Variants in KLHL31 observed in about 807,000 individuals in gnomAD.
KLHL31 encodes the protein kelch-like protein 31.
A neutral mutation model predicts 47.1 loss-of-function variants in KLHL31; 32 were observed. The ratio of observed to expected loss-of-function variants is 0.68; its 90% confidence interval spans 0.51 to 0.91. The LOEUF (loss-of-function observed/expected upper bound fraction) is 0.91. KLHL31 is among the 40% of genes least tolerant of loss of function. The probability of loss-of-function intolerance (pLI) is 0.00; values close to 1 mark genes in which losing one functional copy is unlikely to be tolerated. For synonymous variants in KLHL31, 330 were observed against 325.1 expected (o/e 1.01, Z -0.16); for missense variants, 797 against 819.3 (o/e 0.97, Z 0.33).
intron 1 of KLHL31, among the ~76,000 whole-genome samples, chr6:53,659,269 A>G (rs957201177): frequency 6.6e-5 from 10 of 152,246 alleles, no homozygotes; most frequent in Non-Finnish European, 1.5e-5. Context: ...GATTTCTGGA[A>G]TGTGTAAATA....
At position 53,651,821 on chromosome 6, in the gene KLHL31, G is replaced by A; in HGVS notation, c.1682C>T (p.Ser561Leu). The stretch of plus-strand genomic sequence containing the variant: ...CAGGTAGGCGCGGCCATGCAGCGCC[G>A]AGACGCCCGCAGTGCTCACTCCCAC... ...LQVGVSTAGVSALHGRAYLVG... is the reference protein window; with the variant it reads ...LQVGVSTAGVLALHGRAYLVG... Residue 561 changes from serine (S) to leucine (L), a missense_variant, in exon 3 of 3, where the codon TCG (serine) becomes TTG (leucine). By Grantham distance (145) the Ser-to-Leu change is moderately radical. Coordinates refer to ENST00000370905, the MANE Select transcript of KLHL31 (RefSeq NM_001003760.5). 2 of 1,610,922 alleles carry A rather than the reference G, an allele frequency of 1.2e-6. No homozygotes were observed. The highest frequency in any genetic ancestry group is 1.7e-6 in the Non-Finnish European group (2 of 1,179,672).
chr6:53,651,854 G>A lies in KLHL31; in HGVS notation c.1649C>T (p.Pro550Leu), dbSNP rs1281746892. ...CGCAGTGCTCACTCCCACCTGCAGCGGCGCCGCGTAGCTCCACTGGCCGGT... is the reference window on the plus strand; with the variant it reads ...CGCAGTGCTCACTCCCACCTGCAGCAGCGCCGCGTAGCTCCACTGGCCGGT... ...PATGQWSYAAPLQVGVSTAGV... is the reference protein window; with the variant it reads ...PATGQWSYAALLQVGVSTAGV... Residue 550 changes from proline (P) to leucine (L), a missense_variant, in exon 3 of 3, where the codon CCG (proline) becomes CTG (leucine). Pro to Leu is a moderately conservative substitution (Grantham distance 98). Coordinates refer to ENST00000370905, the MANE Select transcript of KLHL31 (RefSeq NM_001003760.5). The A allele has an allele frequency of 6.2e-7, 1 of 1,605,280 alleles. No individual in the cohort carries two copies. The highest frequency in any genetic ancestry group is 1.3e-5 in the African/African-American group (1 of 74,890).
Position 53,651,417 on chromosome 6 carries a change from A to G in KLHL31, c.*181T>C, listed in dbSNP as rs1764462704. On this transcript the variant is annotated 3_prime_UTR_variant, in exon 3 of 3. Coordinates refer to ENST00000370905, the MANE Select transcript of KLHL31 (RefSeq NM_001003760.5). ...ATTTTGCTAAAAAAAAAAAAAAAAA[A>G]AAGAGGTAGATTATGCCATACCAGG... 1 of 347,558 alleles carries G rather than the reference A, an allele frequency of 2.9e-6. No homozygotes were observed. Among genetic ancestry groups the G allele is most frequent in the Non-Finnish European group, 5.1e-6 (1 of 194,998 alleles). 21.5% of individuals were successfully genotyped at this position (347,558 alleles called of 1,614,324 possible).
chr6:53,655,485 A>G (rs1764547121), intron 1 of KLHL31, among the ~76,000 whole-genome samples, 180 bp from the exon 2 acceptor site: 1 of 152,252 alleles, frequency 6.6e-6, no homozygotes, highest in South Asian at 2.1e-4. Flanking sequence ...TTACTTCAGC[A>G]TGAAGCATTG....
rs202179716 is a variant in KLHL31, at chr6:53,654,951, T to C, written c.322A>G (p.Ile108Val). The C allele has an allele frequency of 6.2e-7, 1 of 1,614,232 alleles. No homozygotes were observed. Among genetic ancestry groups the C allele is most frequent in the African/African-American group, 1.3e-5 (1 of 75,054 alleles). Residue 108 changes from isoleucine (I) to valine (V), a missense_variant, in exon 2 of 3, where the codon ATT becomes GTT. Physicochemically the swap from Ile to Val is conservative, Grantham distance 29. Transcript: ENST00000370905. ...FYNILKKDPS[I>V]QRVDLNDISP... is the part of the protein sequence containing the mutation. ...ATATCATTGAGATCCACCCTCTGAA[T>C]TGACGGGTCTTTTTTTAGGATGTTG...
rs776093968 is a variant in KLHL31 at position 53,652,277 on chromosome 6, C to G, written c.1226G>C (p.Arg409Pro). 6.2e-7 allele frequency: 1 copy of G among 1,614,158 alleles called. No homozygotes were observed. Among genetic ancestry groups the G allele is most frequent in the South Asian group, 1.1e-5 (1 of 91,084 alleles). The stretch of plus-strand genomic sequence containing the variant: ...GAACACGCTCAGGCTGAAGTGCGTG[C>G]GCTTCTGGTTCATGCTGGCCAGGTG... ...WIHLASMNQK[R>P]THFSLSVFNG... The change falls in exon 3 of 3, where the codon CGC (arginine) becomes CCC (proline). Residue 409 changes from arginine (R) to proline (P), a missense_variant. Physicochemically the swap from Arg to Pro is moderately radical, Grantham distance 103. Coordinates refer to ENST00000370905, the MANE Select transcript of KLHL31 (RefSeq NM_001003760.5).
At position 53,648,365 on chromosome 6, in the gene KLHL31, AG is replaced by A. The variant is rs1463007201; in HGVS notation, c.*3232del. 2.6e-5 allele frequency: 4 copies of A among 152,314 alleles called. No individual in the cohort carries two copies. The highest frequency in any genetic ancestry group is 5.9e-5 in the Non-Finnish European group (4 of 68,012). The allele number at this position is 152,314 out of a possible 1,614,324, so 9.4% of individuals were successfully genotyped here. A position where few individuals can be genotyped will look rare whatever the true frequency, so the allele number is the denominator to read the frequency against. ...ACATAAATTCATTTGGTTGTAACTA[AG>A]GGAAAAAAATTAATGAGGTGATTTT... is the stretch of plus-strand genomic sequence containing the variant. On this transcript the variant is annotated 3_prime_UTR_variant, in exon 3 of 3. Coordinates refer to ENST00000370905, the MANE Select transcript of KLHL31 (RefSeq NM_001003760.5).
At chr6:53,662,961 G>A (rs1764668506) in intron 1 of KLHL31, among the ~76,000 whole-genome samples, 1 of 149,420 alleles carries the variant, frequency 6.7e-6, no homozygotes, top group African/African-American at 2.6e-5. Context: ...TGTACTATGT[G>A]CTGGGCCCTG....
intron 1 of KLHL31, among the ~76,000 whole-genome samples, chr6:53,659,817 A>T (rs1430819290): frequency 6.6e-6 from 1 of 152,190 alleles, no homozygotes; most frequent in Admixed American, 6.5e-5. Flanking sequence ...GTGCAACTTG[A>T]GGCTAGATGA....
Position 53,654,124 on chromosome 6 carries a change from C to T in KLHL31, c.1149G>A (p.Lys383=), listed in dbSNP as rs201185488. 3.4e-5 allele frequency: 55 copies of T among 1,608,430 alleles called. No homozygotes were observed. The East Asian group carries it at 5.8e-4, about 17-fold the overall frequency. The change falls in exon 2 of 3, where the codon AAG becomes AAA. Residue 383 remains lysine, a synonymous_variant. Coordinates refer to ENST00000370905, the MANE Select transcript of KLHL31 (RefSeq NM_001003760.5). ...ACCTGCAGAAATTGCTGACTGCATG[C>T]TTGGCTTGATTTCTTGCATCATTCT... ...EDQNDARNQA[K]HAVSNFCRYD... is the part of the protein sequence containing the mutation.
At chr6:53,664,130 A>G (rs1240196116) in intron 1 of KLHL31, among the ~76,000 whole-genome samples, 2 of 152,200 alleles carry the variant, frequency 1.3e-5, no homozygotes, top group African/African-American at 4.8e-5. Context: ...TGGGATCTAT[A>G]TGTCTGGGTC....
chr6:53,661,437 T>C (rs1350855969), intron 1 of KLHL31, among the ~76,000 whole-genome samples: 2 of 152,072 alleles, frequency 1.3e-5, no homozygotes, highest in African/African-American at 4.8e-5. Flanking sequence ...AGCATGCCAC[T>C]TGACCAACCA....
intron 1 of KLHL31, among the ~76,000 whole-genome samples, chr6:53,657,865 T>C (rs1490507860): frequency 6.6e-6 from 1 of 151,862 alleles, no homozygotes; most frequent in Non-Finnish European, 1.5e-5. Context: ...TTTGTTTTCC[T>C]CTTTAAGCTC....
intron 1 of KLHL31, among the ~76,000 whole-genome samples, chr6:53,662,998 T>G (rs1764669299): frequency 6.6e-6 from 1 of 152,194 alleles, no homozygotes; most frequent in South Asian, 2.1e-4. Context: ...TCATTTTAGT[T>G]TTTAAATTTA....
At position 53,652,147 on chromosome 6, in the gene KLHL31, C is replaced by T; in HGVS notation, c.1356G>A (p.Leu452=). ...STNQWQPKTP[L]EVARCCHASA... ...TAGCGTGGCAGCAGCGCGCCACCTC[C>T]AGGGGCGTCTTCGGCTGCCACTGAT... The change falls in exon 3 of 3, where the codon CTG becomes CTA. Residue 452 remains leucine, a synonymous_variant. Transcript: ENST00000370905. 6.2e-7 allele frequency: 1 copy of T among 1,605,034 alleles called. No homozygotes were observed. The highest frequency in any genetic ancestry group is 1.1e-5 in the South Asian group (1 of 90,968).
rs1369432143 is a variant in KLHL31 at position 53,648,190 on chromosome 6, TA to T, written c.*3407del. 6.6e-6 allele frequency: 1 copy of T among 152,662 alleles called. No homozygotes were observed. Among genetic ancestry groups the T allele is most frequent in the Non-Finnish European group, 1.5e-5 (1 of 68,046 alleles). The allele number at this position is 152,662 out of a possible 1,614,324, so 9.5% of individuals were successfully genotyped here. On this transcript the variant is annotated 3_prime_UTR_variant, in exon 3 of 3. Transcript: ENST00000370905. ...AATATTTTAGATTGTTTAATTCTTATAATTACGAATAAAGGACTGTTTGGAA... is the reference window on the plus strand; with the variant it reads ...AATATTTTAGATTGTTTAATTCTTATATTACGAATAAAGGACTGTTTGGAA...
rs1361891807 is a variant in KLHL31, at chr6:53,650,569, T to C, written c.*1029A>G. 2.0e-5 allele frequency: 3 copies of C among 152,216 alleles called. No homozygotes were observed. Among genetic ancestry groups the C allele is most frequent in the African/African-American group, 7.2e-5 (3 of 41,452 alleles). 9.4% of individuals were successfully genotyped at this position (152,216 alleles called of 1,614,324 possible). A position where few individuals can be genotyped will look rare whatever the true frequency, so the allele number is the denominator to read the frequency against. ...AAATTCCAAATGTTTCTATCATTCTTATCATATAAAAGATTGGGGCAAATA... is the reference window on the plus strand; with the variant it reads ...AAATTCCAAATGTTTCTATCATTCTCATCATATAAAAGATTGGGGCAAATA... On this transcript the variant is annotated 3_prime_UTR_variant, in exon 3 of 3. Transcript: ENST00000370905.
rs559966181 is a variant in KLHL31 at position 53,654,444 on chromosome 6, T to G, written c.829A>C (p.Arg277=). Reference sequence around the variant, plus strand: ...TGACAATCAGCATCTTGCATCATTCTTGGTACGGATTGAACATAATTGACC... The same window carrying G: ...TGACAATCAGCATCTTGCATCATTCGTGGTACGGATTGAACATAATTGACC... ...DLVNYVQSVP[R]MMQDADCHRL... Residue 277 remains arginine, a synonymous_variant, in exon 2 of 3, where the codon AGA becomes CGA. Transcript: ENST00000370905. 1 of 1,614,228 alleles carries G rather than the reference T, an allele frequency of 6.2e-7. No homozygotes were observed. The highest frequency in any genetic ancestry group is 1.7e-5 in the Admixed American group (1 of 60,026).
chr6:53,657,386 A>C (rs1289822669), intron 1 of KLHL31, among the ~76,000 whole-genome samples: 1 of 152,206 alleles, frequency 6.6e-6, no homozygotes, highest in Admixed American at 6.5e-5. Context: ...AACACTATAG[A>C]AAACTTATAT....
Sources: gnomAD v4.1 joint callset for allele counts (sites outside exome capture counted in the v4.1 genomes callset) on GRCh38, gnomAD v4.1.1 for gene constraint, MANE v1.5 for transcripts, NCBI Gene and HGNC (gene_info 2026-07-23, HGNC 2026-07-21) for gene names.